HIVEP2: variants seen among roughly 807,000 people sequenced by gnomAD.
HIVEP2 encodes the protein HIVEP zinc finger 2.
In HIVEP2, 14 loss-of-function variants were observed where a neutral mutation model predicts 180.7. That is an observed-to-expected ratio of 0.08 (90% CI 0.05 to 0.12). HIVEP2 has a LOEUF of 0.12. Ranked by LOEUF, HIVEP2 falls within the 10% of genes least tolerant of loss-of-function variation. The pLI is 1.00. For synonymous variants in HIVEP2, 1,184 were observed against 1,136.4 expected, an observed-to-expected ratio of 1.04 and a Z score of -0.84; for missense variants, 2,579 against 3,008.5, an observed-to-expected ratio of 0.86 and a Z score of 3.34.
At chr6:142,893,204 A>T (rs1359967868) in intron 1 of HIVEP2, among the ~76,000 whole-genome samples, 1 of 152,146 alleles carries the variant, frequency 6.6e-6, no homozygotes, top group African/African-American at 2.4e-5. Context: ...GGCAAGGTGG[A>T]TACACTCCCT....
chr6:142,940,726 CTG>C (rs1778156529), intron 1 of HIVEP2, among the ~76,000 whole-genome samples: 1 of 152,196 alleles, frequency 6.6e-6, no homozygotes, highest in Non-Finnish European at 1.5e-5. Context: ...TGTTGAATGA[CTG>C]AGAGAGTGAA....
intron 2 of HIVEP2, among the ~76,000 whole-genome samples, chr6:142,791,488 T>C (rs756961110): frequency 5.3e-5 from 8 of 152,178 alleles, no homozygotes; most frequent in Admixed American, 2.0e-4. Context: ...TCTCAGAATA[T>C]ATCATTGCCT....
intron 2 of HIVEP2, among the ~76,000 whole-genome samples, chr6:142,788,809 G>A (rs954644782): frequency 6.6e-6 from 1 of 152,122 alleles, no homozygotes; most frequent in East Asian, 1.9e-4. Flanking sequence ...TTCAACAAAT[G>A]ACATAAATAT....
intron 1 of HIVEP2, among the ~76,000 whole-genome samples, chr6:142,845,147 T>C (rs1775475234): frequency 6.6e-6 from 1 of 152,214 alleles, no homozygotes; most frequent in Non-Finnish European, 1.5e-5. Context: ...AACAAAAATC[T>C]TGGGACATCA....
intron 9 of HIVEP2, 35 bp downstream of exon 9, chr6:142,759,737 C>T (rs746652315): frequency 1.3e-6 from 2 of 1,535,696 alleles, no homozygotes; most frequent in Non-Finnish European, 1.8e-6. Context: ...TGTGCTTCCA[C>T]TTATGTATTA....
chr6:142,775,533 T>C (rs1432890098), intron 4 of HIVEP2, among the ~76,000 whole-genome samples: 1 of 152,132 alleles, frequency 6.6e-6, no homozygotes, highest in African/African-American at 2.4e-5. Flanking sequence ...ATATGTTTTA[T>C]AGCTTAATAC....
At chr6:142,842,702 G>A (rs1481518741) in intron 1 of HIVEP2, among the ~76,000 whole-genome samples, 1 of 151,430 alleles carries the variant, frequency 6.6e-6, no homozygotes, top group Non-Finnish European at 1.5e-5. Context: ...CTTTCCCAGA[G>A]TTCAAAATAG....
Position 142,753,431 on chromosome 6 carries a change from G to A in HIVEP2, c.7017C>T (p.Ala2339=), listed in dbSNP as rs779245990. The A allele has an allele frequency of 2.5e-6, 4 of 1,613,856 alleles. No individual in the cohort carries two copies. The highest frequency in any genetic ancestry group is 4.5e-5 in the East Asian group (2 of 44,892). ...CTKAIASLRI[A]TEEAALLGPD... ...GCCCGAGCAGAGCTGCCTCTTCCGT[G>A]GCAATCCGGAGAGAGGCAATGGCTT... is the stretch of plus-strand genomic sequence containing the variant. Residue 2339 remains alanine, a synonymous_variant, in exon 10 of 10, where the codon GCC becomes GCT. Transcript: ENST00000367603.
chr6:142,936,128 G>T (rs548949763), intron 1 of HIVEP2, among the ~76,000 whole-genome samples: 215 of 151,882 alleles, frequency 1.4e-3, no homozygotes, highest in African/African-American at 5.1e-3. Context: ...AAAAAAAAAG[G>T]ATGTGTCATT....
At chr6:142,879,755 C>T (rs575224956) in intron 1 of HIVEP2, among the ~76,000 whole-genome samples, 81 of 152,248 alleles carry the variant, frequency 5.3e-4, no homozygotes, top group Non-Finnish European at 9.1e-4. Context: ...TCCACAGTCT[C>T]TTCTCCAGGC....
intron 2 of HIVEP2, among the ~76,000 whole-genome samples, chr6:142,809,581 CTGTTTGTTTGTT>C (rs3057566): frequency 1.3e-5 from 2 of 150,396 alleles, no homozygotes; most frequent in Non-Finnish European, 3.0e-5. Context: ...TCTGGGTTTT[CTGTTTGTTTGTT>C]TGTTTGTTTG....
At chr6:142,925,609 ATAAG>A (rs1562294626) in intron 1 of HIVEP2, among the ~76,000 whole-genome samples, 1 of 152,234 alleles carries the variant, frequency 6.6e-6, no homozygotes, top group Non-Finnish European at 1.5e-5. Flanking sequence ...TCCTTATTGC[ATAAG>A]TAAGCTGAAA....
At chr6:142,927,153 C>A (rs889295105) in intron 1 of HIVEP2, among the ~76,000 whole-genome samples, 1 of 152,036 alleles carries the variant, frequency 6.6e-6, no homozygotes, top group Non-Finnish European at 1.5e-5. Context: ...CGGAGGAAAC[C>A]GAGCTCGCAA....
chr6:142,932,375 G>T (rs1246854267), intron 1 of HIVEP2, among the ~76,000 whole-genome samples: 2 of 152,052 alleles, frequency 1.3e-5, no homozygotes, highest in Non-Finnish European at 1.5e-5. Context: ...AGCAAGCATG[G>T]CTAGTCCTTT....
chr6:142,857,822 T>C (rs540644219), intron 1 of HIVEP2, among the ~76,000 whole-genome samples: 39 of 152,352 alleles, frequency 2.6e-4, no homozygotes, highest in Non-Finnish European at 4.9e-4. Flanking sequence ...CTCCCCTTTG[T>C]TAAGACTTGT....
intron 1 of HIVEP2, among the ~76,000 whole-genome samples, chr6:142,886,342 T>C (rs577121272): frequency 1.3e-5 from 2 of 152,210 alleles, no homozygotes; most frequent in African/African-American, 4.8e-5. Flanking sequence ...ACTTTTTATA[T>C]GTATAACCAT....
chr6:142,780,082 C>A lies in HIVEP2; in HGVS notation c.-433+3439G>T, dbSNP rs191782305. Reference sequence around the variant, plus strand: ...GTTTAACATAGGATCTTTCTATATTCCAACAGCATTTATTATCCAGAAAGT... The same window carrying A: ...GTTTAACATAGGATCTTTCTATATTACAACAGCATTTATTATCCAGAAAGT... On this transcript the variant is annotated intron_variant, in intron 3 of 9. Transcript: ENST00000367603. Among the ~76,000 whole-genome samples the A allele has an allele frequency of 2.7e-3, 413 of 152,258 alleles. 1 individual carries two copies. The highest frequency in any genetic ancestry group is 7.9e-3 in the African/African-American group (330 of 41,540).
chr6:142,877,247 T>C (rs912116103), intron 1 of HIVEP2, among the ~76,000 whole-genome samples: 8 of 152,194 alleles, frequency 5.3e-5, no homozygotes, highest in Non-Finnish European at 8.8e-5. Context: ...AACAAGCTCA[T>C]GAAGTACACA....
Position 142,772,311 on chromosome 6 carries a change from G to A in HIVEP2, c.2428C>T (p.Arg810Ter). 1 of 1,614,166 alleles carries A rather than the reference G, an allele frequency of 6.2e-7. No individual in the cohort carries two copies. The highest frequency in any genetic ancestry group is 8.5e-7 in the Non-Finnish European group (1 of 1,180,034). ...TCAGACCTTTCAAATGAATTGGGTC[G>A]GCTCAGTGAGTTGGTGTGCTGAATC... Reference protein sequence around the residue: ...SVIQHTNSLSRPNSFERSESA... With the variant: ...SVIQHTNSLS Residue 810 changes from arginine to a stop codon, truncating the protein, a stop_gained, in exon 5 of 10, where the codon CGA becomes TGA. Coordinates refer to ENST00000367603, the MANE Select transcript of HIVEP2 (RefSeq NM_006734.4). LOFTEE classifies it high-confidence loss of function. The surrounding 1 kb of genome is among the most constrained non-coding windows in gnomAD (Gnocchi z 4.9).
Sources: allele counts gnomAD v4.1 joint callset (sites outside exome capture counted in the v4.1 genomes callset), GRCh38; gene constraint gnomAD v4.1.1; non-coding constraint Gnocchi (gnomAD v3.1); transcripts MANE v1.5; gene names NCBI Gene and HGNC (gene_info 2026-07-23, HGNC 2026-07-21).